Variants in EIF4G1 observed in about 807,000 individuals in gnomAD.
The protein encoded by EIF4G1 is eukaryotic translation initiation factor 4 gamma 1.
EIF4G1 carries 4 observed loss-of-function variants against 187.8 expected under a neutral mutation model. The observed-to-expected ratio is 0.02, with a 90% confidence interval of 0.01 to 0.05. EIF4G1 has a LOEUF of 0.05. Among genes scored for constraint, EIF4G1 ranks in the 10% least tolerant of loss-of-function variants. The pLI is 1.00. For missense variants in EIF4G1, 1,647 were observed against 2,081.1 expected (o/e 0.79, Z 4.06); for synonymous variants, 844 against 781.4 (o/e 1.08, Z -1.34).
rs1725258360 is a variant in EIF4G1, at chr3:184,327,923, A to G, written c.3874A>G (p.Ile1292Val). Residue 1292 changes from isoleucine (I) to valine (V), a missense_variant, in exon 26 of 33, where the codon ATT (isoleucine) becomes GTT (valine). Around this residue, in one of 11 missense-constraint regions of EIF4G1, gnomAD observed 543 missense variants for 638.0 expected, o/e 0.85. Transcript: ENST00000346169. Reference protein sequence around the residue: ...GVESTLERSAIAREHMGQLLH... With the variant: ...GVESTLERSAVAREHMGQLLH... ...CGAGTCTACGCTGGAGCGCAGTGCCATTGCTCGTGAGCATATGGGGCAGCT... is the reference window on the plus strand; with the variant it reads ...CGAGTCTACGCTGGAGCGCAGTGCCGTTGCTCGTGAGCATATGGGGCAGCT... The G allele has an allele frequency of 6.2e-7, 1 of 1,613,102 alleles. No individual in the cohort carries two copies. Among genetic ancestry groups the G allele is most frequent in the African/African-American group, 1.3e-5 (1 of 75,048 alleles).
chr3:184,315,701 C>T, intron 2 of EIF4G1, 62 bp from the exon 3 acceptor site: 3 of 1,287,176 alleles, frequency 2.3e-6, no homozygotes, highest in East Asian at 2.5e-5. Flanking sequence ...AACCCTTTCA[C>T]CGCCCCATTT....
chr3:184,328,135 G>A, intron 26 of EIF4G1, 133 bp downstream of exon 26: 1 of 1,103,334 alleles, frequency 9.1e-7, no homozygotes, highest in Non-Finnish European at 1.3e-6. Context: ...TGTAATCCCT[G>A]CACTTTGGGA....
Position 184,315,553 on chromosome 3 carries a change from A to T in EIF4G1, c.-35+8A>T. The T allele has an allele frequency of 1.3e-6, 1 of 754,298 alleles. No homozygotes were observed. The allele number at this position is 754,298 out of a possible 1,614,324, so 46.7% of individuals were successfully genotyped here. On this transcript the variant is annotated splice_region_variant and intron_variant, in intron 2 of 32. Transcript: ENST00000346169. ...TTGTTCTTAATCGAGGGGGTGAGTG[A>T]GGGGTCTGTTTCAGTAGGTCAGGGG...
At position 184,322,102 on chromosome 3, in the gene EIF4G1, A is replaced by G; in HGVS notation, c.1518A>G (p.Gln506=). Residue 506 remains glutamine (Q), a splice_region_variant and synonymous_variant, in exon 10 of 33, where the codon CAA becomes CAG. Transcript: ENST00000346169. ...ATTTGGAGGCAGCAGCAGCCACTCA[A>G]GGTAAGGTGTGGTTGGACGGTAGAG... ...SQNLEAAAAT[Q]VAVSVPKRRR... 6.2e-7 allele frequency: 1 copy of G among 1,614,046 alleles called. No homozygotes were observed. Among genetic ancestry groups the G allele is most frequent in the African/African-American group, 1.3e-5 (1 of 75,032 alleles).
Position 184,322,660 on chromosome 3 carries a change from C to G in EIF4G1, c.1725C>G (p.Asp575Glu), listed in dbSNP as rs1724121284. ...PRPEEADETW[D>E]SKEDKIHNAE... ...CTGAGGAAGCAGATGAGACCTGGGA[C>G]TCAAAGGAAGACAAAATTCACAATG... The change falls in exon 12 of 33, where the codon GAC becomes GAG. Residue 575 changes from aspartate (D) to glutamate (E), a missense_variant. Physicochemically the swap from Asp to Glu is conservative, Grantham distance 45. This residue lies in a region of EIF4G1 where 522 missense variants were observed against 485.2 expected (regional missense o/e 1.08). Coordinates refer to ENST00000346169, the MANE Select transcript of EIF4G1 (RefSeq NM_198241.3). 1 of 1,614,024 alleles carries G rather than the reference C, an allele frequency of 6.2e-7. No homozygotes were observed.
chr3:184,331,628 A>G (rs748782904), intron 30 of EIF4G1, 22 bp downstream of exon 30: 2 of 1,424,568 alleles, frequency 1.4e-6, no homozygotes, highest in Non-Finnish European at 2.0e-6. Flanking sequence ...CTGGATATCG[A>G]TAAAGGAAAG....
intron 6 of EIF4G1, among the ~76,000 whole-genome samples, chr3:184,318,729 C>T (rs1393991323): frequency 6.6e-5 from 10 of 152,022 alleles, no homozygotes; most frequent in African/African-American, 2.4e-4. Context: ...CTCAGCCTCC[C>T]GAGTAGCTGG....
At chr3:184,326,795 G>C in intron 22 of EIF4G1, 86 bp from the exon 23 acceptor site, 1 of 1,555,230 alleles carries the variant, frequency 6.4e-7, no homozygotes, top group Non-Finnish European at 8.9e-7. Context: ...TTTTGGGACT[G>C]GGACCAAGTG....
chr3:184,327,734 G>GAGTGGGC, intron 25 of EIF4G1, 30 bp downstream of exon 25: 1 of 1,613,606 alleles, frequency 6.2e-7, no homozygotes. Flanking sequence ...TGTGATTGAG[G>GAGTGGGC]AGTGGGCAGG....
intron 4 of EIF4G1, chr3:184,316,697 C>A (rs765439938): frequency 6.3e-7 from 1 of 1,594,646 alleles, no homozygotes; most frequent in Admixed American, 1.7e-5. Flanking sequence ...TCTTTCCTAT[C>A]CCCATGTGCT....
Position 184,323,503 on chromosome 3 carries a change from C to T in EIF4G1, c.2184C>T (p.Asn728=). The change falls in exon 15 of 33, where the codon AAC becomes AAT. Residue 728 remains asparagine (N), a synonymous_variant. Transcript: ENST00000346169. The surrounding 1 kb of genome is among the most constrained non-coding windows in gnomAD (Gnocchi z 6.9). The part of the protein sequence containing the change: ...TVLMTEDIKL[N]KAEKAWKPSS... ...TAATGACCGAAGATATAAAACTGAA[C>T]AAAGCAGAGAAAGCCTGGAAACCCA... The T allele has an allele frequency of 6.2e-7, 1 of 1,614,128 alleles. No individual in the cohort carries two copies. The highest frequency in any genetic ancestry group is 2.2e-5 in the East Asian group (1 of 44,876).
At position 184,321,666 on chromosome 3, in the gene EIF4G1, C is replaced by G; in HGVS notation, c.1082C>G (p.Pro361Arg). ...LASHTVEIHEPNGMVPSEDLE... is the reference protein window; with the variant it reads ...LASHTVEIHERNGMVPSEDLE... ...TCTCACACAGTGGAAATTCATGAGC[C>G]TAATGGCATGGTCCCATCTGAAGAT... is the stretch of plus-strand genomic sequence containing the variant. Residue 361 changes from proline to arginine, a missense_variant, in exon 10 of 33, where the codon CCT becomes CGT. By Grantham distance (103) the Pro-to-Arg change is moderately radical. This residue lies in a region of EIF4G1 where 522 missense variants were observed against 485.2 expected (regional missense o/e 1.08). Coordinates refer to ENST00000346169, the MANE Select transcript of EIF4G1 (RefSeq NM_198241.3). 6.2e-7 allele frequency: 1 copy of G among 1,603,836 alleles called. No individual in the cohort carries two copies. The highest frequency in any genetic ancestry group is 8.5e-7 in the Non-Finnish European group (1 of 1,173,752).
rs753280852 is a variant in EIF4G1 at position 184,322,954 on chromosome 3, G to A, written c.1929G>A (p.Lys643=). The part of the protein sequence containing the change: ...LPHISDVVLD[K]ANKTPLRPLD... ...ATATCAGTGACGTGGTGCTGGACAA[G>A]GTTAGTGGCTTCAGTTGGGGAGGGG... The change falls in exon 13 of 33, where the codon AAG becomes AAA. Residue 643 remains lysine, a splice_region_variant and synonymous_variant. Transcript: ENST00000346169. The A allele has an allele frequency of 2.5e-6, 4 of 1,614,188 alleles. No individual in the cohort carries two copies. The South Asian group carries it at 4.4e-5, about 18-fold the overall frequency.
rs1725495709 is a variant in EIF4G1 at position 184,328,920 on chromosome 3, A to G, written c.4091A>G (p.Lys1364Arg). The G allele has an allele frequency of 6.2e-7, 1 of 1,614,040 alleles. No homozygotes were observed. The highest frequency in any genetic ancestry group is 1.3e-5 in the African/African-American group (1 of 74,902). ...PMGELFREIT[K>R]PLRPLGKAAS... ...TTCTCTTCTTGTAGGGAGATTACAA[A>G]GCCTCTGAGACCGTTGGGCAAAGCT... The change falls in exon 28 of 33, where the codon AAG (lysine) becomes AGG (arginine). Residue 1364 changes from lysine (K) to arginine (R), a missense_variant. Coordinates refer to ENST00000346169, the MANE Select transcript of EIF4G1 (RefSeq NM_198241.3).
chr3:184,323,400 C>G lies in EIF4G1; in HGVS notation c.2089-8C>G. On this transcript the variant is annotated splice_polypyrimidine_tract_variant and splice_region_variant and intron_variant, in intron 14 of 32. Coordinates refer to ENST00000346169, the MANE Select transcript of EIF4G1 (RefSeq NM_198241.3). The surrounding 1 kb of genome is among the most constrained non-coding windows in gnomAD (Gnocchi z 6.9). ...TGTCCCCTCTTGTCTTCATCCCTTG[C>G]TTAGCAGGCTGGCCTGGGACCCCGG... is the stretch of plus-strand genomic sequence containing the variant. The G allele has an allele frequency of 6.2e-7, 1 of 1,614,196 alleles. No homozygotes were observed. Among genetic ancestry groups the G allele is most frequent in the Non-Finnish European group, 8.5e-7 (1 of 1,180,012 alleles).
chr3:184,323,208 G>C lies in EIF4G1; in HGVS notation c.2055G>C (p.Arg685Ser). ...CCCTTAGCACCCGTGGGCCCCCAAG[G>C]GGTGGGCCAGGTGGGGAGCTGCCCC... is the stretch of plus-strand genomic sequence containing the variant. ...RTTLSTRGPPRGGPGGELPRG... is the reference protein window; with the variant it reads ...RTTLSTRGPPSGGPGGELPRG... Residue 685 changes from arginine (R) to serine (S), a missense_variant, in exon 14 of 33, where the codon AGG becomes AGC. Arg to Ser is a moderately radical substitution (Grantham distance 110). Transcript: ENST00000346169. This position sits in a 1 kb window ranked among gnomAD's most constrained non-coding sequence, Gnocchi z 6.9. 6.2e-7 allele frequency: 1 copy of C among 1,614,186 alleles called. No homozygotes were observed. Among genetic ancestry groups the C allele is most frequent in the South Asian group, 1.1e-5 (1 of 91,084 alleles).
In EIF4G1 at chr3:184,329,271, A is replaced by AT; in HGVS notation, c.4161+284dup. 6.3e-6 allele frequency: 3 copies of AT among 475,672 alleles called. No individual in the cohort carries two copies. The Admixed American group carries it at 1.0e-4, about 16-fold the overall frequency. 29.5% of individuals were successfully genotyped at this position (475,672 alleles called of 1,614,324 possible). A position where few individuals can be genotyped will look rare whatever the true frequency, so the allele number is the denominator to read the frequency against. ...TTGAACTAGGGTTTTGTTGATGATC[A>AT]TTTATCATATACTAAGCACTAGGGA... On this transcript the variant is annotated intron_variant, in intron 28 of 32. Coordinates refer to ENST00000346169, the MANE Select transcript of EIF4G1 (RefSeq NM_198241.3).
At chr3:184,315,455 G>C in intron 1 of EIF4G1, 34 bp from the exon 2 acceptor site, 1 of 592,940 alleles carries the variant, frequency 1.7e-6, no homozygotes. Context: ...GGGCCCCGCG[G>C]AGCCAGGTTG....
Position 184,321,298 on chromosome 3 carries a change from A to G in EIF4G1, c.714A>G (p.Gly238=), listed in dbSNP as rs1723873848. The change falls in exon 10 of 33, where the codon GGA becomes GGG. Residue 238 remains glycine, a synonymous_variant. Coordinates refer to ENST00000346169, the MANE Select transcript of EIF4G1 (RefSeq NM_198241.3). ...VIVRPDDRSQ[G]AIIADRPGLP... ...ATGGTGCAGATGACCGGTCACAGGG[A>G]GCAATCATTGCTGACCGGCCAGGGC... 1 of 1,614,068 alleles carries G rather than the reference A, an allele frequency of 6.2e-7. No individual in the cohort carries two copies. The highest frequency in any genetic ancestry group is 1.1e-5 in the South Asian group (1 of 91,078).
Sources: gnomAD v4.1 joint callset for allele counts (sites outside exome capture counted in the v4.1 genomes callset) on GRCh38, gnomAD v4.1.1 for gene constraint, gnomAD v4.1.1 regional missense constraint, Gnocchi (gnomAD v3.1) non-coding constraint, MANE v1.5 for transcripts, NCBI Gene and HGNC (gene_info 2026-07-23, HGNC 2026-07-21) for gene names.